The following OTUD7A variants were observed in gnomAD, a reference collection of about 807,000 sequenced individuals.
The protein encoded by OTUD7A is OTU domain-containing protein 7A.
Under a neutral mutation model 65.7 loss-of-function variants are expected in OTUD7A, and 12 were observed. That is an observed-to-expected ratio of 0.18 (90% CI 0.12 to 0.30). OTUD7A has a LOEUF of 0.30. Ranked by LOEUF, OTUD7A falls within the 10% of genes least tolerant of loss-of-function variation. The probability of loss-of-function intolerance (pLI) is 1.00; values close to 1 mark genes in which losing one functional copy is unlikely to be tolerated. For synonymous variants in OTUD7A, 641 were observed against 586.3 expected, an observed-to-expected ratio of 1.09 and a Z score of -1.35; for missense variants, 1,148 against 1,304.8, an observed-to-expected ratio of 0.88 and a Z score of 1.85.
chr15:31,567,255 C>T (rs1888904534), intron 4 of OTUD7A, among the ~76,000 whole-genome samples: 1 of 152,172 alleles, frequency 6.6e-6, no homozygotes, highest in Non-Finnish European at 1.5e-5. Context: ...AGCAAATGGT[C>T]ACGTGTTTTG....
At chr15:31,678,302 C>A (rs766792562) in intron 1 of OTUD7A, among the ~76,000 whole-genome samples, 1 of 152,030 alleles carries the variant, frequency 6.6e-6, no homozygotes. Context: ...CCTGACAATG[C>A]GATAGAAAAG....
At chr15:31,768,955 C>G (rs967669776) in intron 1 of OTUD7A, among the ~76,000 whole-genome samples, 16 of 151,722 alleles carry the variant, frequency 1.1e-4, no homozygotes, top group Non-Finnish European at 2.4e-4. Flanking sequence ...GAAACAGGTA[C>G]AAAAAAGAAA....
chr15:31,596,208 T>C (rs1889899775), intron 3 of OTUD7A, among the ~76,000 whole-genome samples: 1 of 152,182 alleles, frequency 6.6e-6, no homozygotes, highest in Non-Finnish European at 1.5e-5. Context: ...GCCCCTGTGC[T>C]CTTGAGCTCC....
intron 1 of OTUD7A, among the ~76,000 whole-genome samples, chr15:31,665,111 T>C (rs1292059144): frequency 6.6e-6 from 1 of 152,196 alleles, no homozygotes; most frequent in Admixed American, 6.5e-5. Flanking sequence ...AAATTTGTTC[T>C]TTTTGCTTAG....
intron 1 of OTUD7A, chr15:31,766,305 C>T (rs922147546): frequency 1.0e-5 from 16 of 1,605,646 alleles, no homozygotes; most frequent in African/African-American, 6.7e-5. Flanking sequence ...TTGACTCATT[C>T]GGGAAATCAT....
Position 31,478,158 on chromosome 15 carries a change from T to A in OTUD7A, c.*5136A>T, listed in dbSNP as rs1347924111. The A allele has an allele frequency of 1.3e-5, 2 of 152,208 alleles. No individual in the cohort carries two copies. The highest frequency in any genetic ancestry group is 2.4e-5 in the African/African-American group (1 of 41,450). 9.4% of individuals were successfully genotyped at this position (152,208 alleles called of 1,614,324 possible). The stretch of plus-strand genomic sequence containing the variant: ...GAGAGGCCTTTGTAAGGACCTGGCT[T>A]TTCCTCTGCCATGGGAGGCTGTTTC... On this transcript the variant is annotated 3_prime_UTR_variant, in exon 13 of 13. Coordinates refer to ENST00000307050, the MANE Select transcript of OTUD7A (RefSeq NM_001382637.1).
At chr15:31,491,960 A>G (rs1489879339) in intron 10 of OTUD7A, among the ~76,000 whole-genome samples, 1 of 152,214 alleles carries the variant, frequency 6.6e-6, no homozygotes, top group African/African-American at 2.4e-5. Context: ...TTTTTCAAAT[A>G]AAAGTGAGCA....
intron 1 of OTUD7A, among the ~76,000 whole-genome samples, chr15:31,759,169 G>A (rs954563534): frequency 6.6e-6 from 1 of 152,152 alleles, no homozygotes; most frequent in Non-Finnish European, 1.5e-5. Flanking sequence ...GAGGTCTCCA[G>A]CACTCCACGC....
intron 5 of OTUD7A, among the ~76,000 whole-genome samples, chr15:31,554,925 G>C (rs1386217217): frequency 6.6e-6 from 1 of 152,212 alleles, no homozygotes; most frequent in Non-Finnish European, 1.5e-5. Flanking sequence ...CGGCCCTTCT[G>C]TTGCCCTGAG....
At chr15:31,531,390 G>A (rs1376321183) in intron 5 of OTUD7A, among the ~76,000 whole-genome samples, 1 of 151,962 alleles carries the variant, frequency 6.6e-6, no homozygotes, top group African/African-American at 2.4e-5. Context: ...GAAAAGTGGA[G>A]AAGAAGTGGC....
chr15:31,487,655 A>T lies in OTUD7A; in HGVS notation c.1172-89T>A. 1 of 966,690 alleles carries T rather than the reference A, an allele frequency of 1.0e-6. No homozygotes were observed. The highest frequency in any genetic ancestry group is 1.7e-5 in the South Asian group (1 of 59,220). The allele number at this position is 966,690 out of a possible 1,614,324, so 59.9% of individuals were successfully genotyped here. A position where few individuals can be genotyped will look rare whatever the true frequency, so the allele number is the denominator to read the frequency against. On this transcript the variant is annotated intron_variant, in intron 10 of 12. Transcript: ENST00000307050. The surrounding 1 kb of genome is among the most constrained non-coding windows in gnomAD (Gnocchi z 6.0). The stretch of plus-strand genomic sequence containing the variant: ...AATTCCCAAGCCAGGTATCTGGGTG[A>T]CAAATGCACCGAGTGGACATCTACA...
chr15:31,606,359 G>A (rs559092189), intron 3 of OTUD7A, among the ~76,000 whole-genome samples: 45 of 152,330 alleles, frequency 3.0e-4, no homozygotes, highest in African/African-American at 8.7e-4. Flanking sequence ...ACACGTGACC[G>A]TGCACAGAGT....
chr15:31,865,218 T>C (rs1349102850), intron 1 of OTUD7A, among the ~76,000 whole-genome samples: 3 of 152,262 alleles, frequency 2.0e-5, no homozygotes, highest in East Asian at 3.8e-4. Context: ...ACCTCTTGGA[T>C]GTCAAACAAT....
At chr15:31,868,454 A>C (rs534404539) in intron 1 of OTUD7A, among the ~76,000 whole-genome samples, 1 of 152,340 alleles carries the variant, frequency 6.6e-6, no homozygotes, top group African/African-American at 2.4e-5. Context: ...GCAGACCCTG[A>C]AAAACCAATC....
chr15:31,809,849 GTGATT>G (rs1896374929), intron 1 of OTUD7A, among the ~76,000 whole-genome samples: 1 of 152,254 alleles, frequency 6.6e-6, no homozygotes, highest in Admixed American at 6.5e-5. Context: ...ATGCACATCA[GTGATT>G]CAGTGATAAC....
At chr15:31,752,772 TA>T (rs903969006) in intron 1 of OTUD7A, among the ~76,000 whole-genome samples, 2 of 152,288 alleles carry the variant, frequency 1.3e-5, no homozygotes, top group Admixed American at 1.3e-4. Flanking sequence ...TTAATTGTTT[TA>T]ACTGAGAGAC....
intron 1 of OTUD7A, among the ~76,000 whole-genome samples, chr15:31,848,853 A>G (rs974417709): frequency 6.6e-6 from 1 of 152,220 alleles, no homozygotes; most frequent in Non-Finnish European, 1.5e-5. Context: ...AGGCCTTGGC[A>G]TACAAATGCA....
chr15:31,553,095 C>A (rs1888376060), intron 5 of OTUD7A, among the ~76,000 whole-genome samples: 1 of 152,170 alleles, frequency 6.6e-6, no homozygotes, highest in African/African-American at 2.4e-5. Context: ...CCCTCACAGT[C>A]AAACCCAGCG....
chr15:31,555,076 C>T (rs1486103205), intron 5 of OTUD7A, among the ~76,000 whole-genome samples: 1 of 152,100 alleles, frequency 6.6e-6, no homozygotes, highest in Non-Finnish European at 1.5e-5. Context: ...ACGGGGCTGC[C>T]TATGTGGCTC....
Sources: gnomAD v4.1 joint callset for allele counts (sites outside exome capture counted in the v4.1 genomes callset) on GRCh38, gnomAD v4.1.1 for gene constraint, Gnocchi (gnomAD v3.1) non-coding constraint, MANE v1.5 for transcripts, NCBI Gene and HGNC (gene_info 2026-07-23, HGNC 2026-07-21) for gene names.